Variants in CALN1 observed in about 807,000 individuals in gnomAD.
CALN1 encodes calneuron 1.
A neutral mutation model predicts 30.6 loss-of-function variants in CALN1; 17 were observed. The observed-to-expected ratio is 0.56, with a 90% confidence interval of 0.38 to 0.83. The LOEUF (loss-of-function observed/expected upper bound fraction) is 0.83, where lower values mean the gene tolerates loss of function less well. Among genes scored for constraint, CALN1 ranks in the 40% least tolerant of loss-of-function variants. The probability of loss-of-function intolerance (pLI) is 0.00; values close to 1 mark genes in which losing one functional copy is unlikely to be tolerated. For synonymous variants in CALN1, 156 were observed against 131.4 expected, an observed-to-expected ratio of 1.19 and a Z score of -1.28; for missense variants, 291 against 354.9, an observed-to-expected ratio of 0.82 and a Z score of 1.45.
rs192097628 is a variant in CALN1, at chr7:71,892,434, C to T, written c.502-81942G>A. 6.8e-4 allele frequency among the ~76,000 whole-genome samples: 104 copies of T among 152,158 alleles called. 1 individual carries two copies. The highest frequency in any genetic ancestry group is 3.4e-3 in the Middle Eastern group (1 of 294). ...GGCGGATTACTTGAGGCCAGGAGTT[C>T]GAGACCAGCCTTGGGCAACAAGGCG... is the stretch of plus-strand genomic sequence containing the variant. On this transcript the variant is annotated intron_variant, in intron 5 of 6. Coordinates refer to ENST00000395275, the MANE Select transcript of CALN1 (RefSeq NM_031468.4).
intron 4 of CALN1, among the ~76,000 whole-genome samples, chr7:72,086,519 T>C (rs1317245725): frequency 6.6e-6 from 1 of 152,104 alleles, no homozygotes; most frequent in African/African-American, 2.4e-5. Flanking sequence ...CAGCAACCTC[T>C]GCCTCTGGAG....
At chr7:72,127,389 C>T (rs562705998) in intron 3 of CALN1, among the ~76,000 whole-genome samples, 2 of 152,150 alleles carry the variant, frequency 1.3e-5, no homozygotes, top group African/African-American at 4.8e-5. Context: ...AGATTATGCA[C>T]ATTTTGTGTT....
At chr7:72,184,802 A>AT (rs567192898) in intron 3 of CALN1, among the ~76,000 whole-genome samples, 20 of 146,098 alleles carry the variant, frequency 1.4e-4, no homozygotes, top group African/African-American at 2.8e-4. Context: ...TCTTTTTCTT[A>AT]TTTTTTTTTA....
chr7:71,828,010 A>G (rs1345670124), intron 5 of CALN1, among the ~76,000 whole-genome samples: 1 of 152,088 alleles, frequency 6.6e-6, no homozygotes, highest in Non-Finnish European at 1.5e-5. Context: ...CACAATGAAT[A>G]TGTATCACTG....
At chr7:71,959,442 A>G (rs1797126929) in intron 5 of CALN1, among the ~76,000 whole-genome samples, 1 of 152,162 alleles carries the variant, frequency 6.6e-6, no homozygotes, top group Non-Finnish European at 1.5e-5. Context: ...TGAGGAAAGG[A>G]AAATGGGCTT....
At chr7:72,393,503 TAA>T (rs1805715931) in intron 2 of CALN1, among the ~76,000 whole-genome samples, 1 of 152,060 alleles carries the variant, frequency 6.6e-6, no homozygotes, top group African/African-American at 2.4e-5. Flanking sequence ...TTCTACACCA[TAA>T]CATATGAAGT....
chr7:72,151,146 G>A (rs1454412578), intron 3 of CALN1, among the ~76,000 whole-genome samples: 1 of 152,180 alleles, frequency 6.6e-6, no homozygotes, highest in Admixed American at 6.5e-5. Flanking sequence ...AACAACAGAA[G>A]TCTATTGTCT....
the CALN1 span, among the ~76,000 whole-genome samples, chr7:72,496,870 C>CT: frequency 3.3e-5 from 5 of 152,054 alleles, no homozygotes; most frequent in African/African-American, 4.8e-5. Flanking sequence ...CAGAGCAAGA[C>CT]TTATTAAGCT....
At chr7:71,883,832 G>A (rs1022228105) in intron 5 of CALN1, among the ~76,000 whole-genome samples, 17 of 152,090 alleles carry the variant, frequency 1.1e-4, no homozygotes, top group Admixed American at 9.2e-4. Context: ...TTGTTTCACC[G>A]CTGCCCAAGA....
Position 72,371,804 on chromosome 7 carries a change from A to G in CALN1, c.119+31447T>C, listed in dbSNP as rs1170350592. On this transcript the variant is annotated intron_variant, in intron 2 of 6. Coordinates refer to ENST00000395275, the MANE Select transcript of CALN1 (RefSeq NM_031468.4). ...CCTTTGCATCTTAGTCCAGGAATCA[A>G]TTCAGTAGTCTTCCATTTCTGGGTA... Among the ~76,000 whole-genome samples the G allele has an allele frequency of 5.9e-5, 9 of 152,348 alleles. No homozygotes were observed. The East Asian group carries it at 1.7e-3, about 29-fold the overall frequency.
At chr7:72,353,731 G>A in intron 2 of CALN1, among the ~76,000 whole-genome samples, 1 of 152,088 alleles carries the variant, frequency 6.6e-6, no homozygotes, top group Non-Finnish European at 1.5e-5. Flanking sequence ...GACAGAAAAT[G>A]CATCCCGATT....
intron 3 of CALN1, among the ~76,000 whole-genome samples, chr7:72,263,744 C>G (rs1172118040): frequency 6.6e-6 from 1 of 152,124 alleles, no homozygotes; most frequent in African/African-American, 2.4e-5. Flanking sequence ...ACAAAGTTCT[C>G]TTATCAGAGG....
intron 3 of CALN1, among the ~76,000 whole-genome samples, chr7:72,157,961 T>C (rs1272217989): frequency 5.3e-5 from 8 of 152,172 alleles, no homozygotes; most frequent in African/African-American, 1.9e-4. Context: ...GCCAGGCTGG[T>C]CTTGAACTCC....
Position 71,957,528 on chromosome 7 carries a change from C to T in CALN1, c.501+66129G>A, listed in dbSNP as rs186060314. On this transcript the variant is annotated intron_variant, in intron 5 of 6. Transcript: ENST00000395275. ...CTTTCTCTACCCCATTACGATCTGT[C>T]GCCTGTACTGATCACTGCAAACCTA... Among the ~76,000 whole-genome samples the T allele has an allele frequency of 3.9e-5, 6 of 152,302 alleles. No homozygotes were observed. In the East Asian group the frequency reaches 7.7e-4, roughly 20 times the overall value.
chr7:71,922,875 T>G (rs1421393575), intron 5 of CALN1, among the ~76,000 whole-genome samples: 1 of 113,268 alleles, frequency 8.8e-6, no homozygotes, highest in Non-Finnish European at 1.8e-5. Context: ...TATTAATATA[T>G]AAACATATAT....
chr7:72,211,256 A>G (rs1792373740), intron 3 of CALN1, among the ~76,000 whole-genome samples: 1 of 152,014 alleles, frequency 6.6e-6, no homozygotes, highest in Non-Finnish European at 1.5e-5. Flanking sequence ...GGCTCCAGAG[A>G]AGCTGGGCCA....
chr7:72,368,677 A>C (rs1157982923), intron 2 of CALN1, among the ~76,000 whole-genome samples: 1 of 152,162 alleles, frequency 6.6e-6, no homozygotes, highest in Non-Finnish European at 1.5e-5. Flanking sequence ...GCTTTCTCCC[A>C]AATGACCATT....
chr7:71,957,963 G>C (rs755351328), intron 5 of CALN1, among the ~76,000 whole-genome samples: 2 of 151,018 alleles, frequency 1.3e-5, no homozygotes, highest in Non-Finnish European at 2.9e-5. Flanking sequence ...TACTTGGGAG[G>C]CTGAGGCAGG....
Position 72,372,537 on chromosome 7 carries a change from G to C in CALN1, c.119+30714C>G, listed in dbSNP as rs144000669. Among the ~76,000 whole-genome samples the C allele has an allele frequency of 7.6e-3, 1,164 of 152,168 alleles. 6 individuals are homozygous for C. The highest frequency in any genetic ancestry group is 0.013 in the Non-Finnish European group (852 of 68,002). On this transcript the variant is annotated intron_variant, in intron 2 of 6. Transcript: ENST00000395275. The stretch of plus-strand genomic sequence containing the variant: ...TACTTTGAGTTGTTTATAAATATTT[G>C]GGCTCAATTTCATGAGTATATTGAT...
Sources: allele counts gnomAD v4.1 joint callset (sites outside exome capture counted in the v4.1 genomes callset), GRCh38; gene constraint gnomAD v4.1.1; transcripts MANE v1.5; gene names NCBI Gene and HGNC (gene_info 2026-07-23, HGNC 2026-07-21).